C6: variants seen among roughly 807,000 people sequenced by gnomAD.
C6 encodes the protein complement component C6.
A neutral mutation model predicts 112.9 loss-of-function variants in C6; 101 were observed. The observed-to-expected ratio is 0.89, with a 90% confidence interval of 0.76 to 1.06. C6 has a LOEUF of 1.06. Ranked by LOEUF, C6 falls within the 50% of genes least tolerant of loss-of-function variation. C6 has a pLI of 0.00. For missense variants in C6, 1,202 were observed against 1,104.6 expected (o/e 1.09, Z -1.25); for synonymous variants, 431 against 384.1 (o/e 1.12, Z -1.43).
At chr5:41,144,997 T>C (rs969823863) in intron 17 of C6, among the ~76,000 whole-genome samples, 3 of 152,236 alleles carry the variant, frequency 2.0e-5, no homozygotes, top group African/African-American at 7.2e-5. Context: ...GATGGGTATT[T>C]AGGTTGAGTC....
intron 1 of C6, among the ~76,000 whole-genome samples, chr5:41,244,851 A>G (rs1317957282): frequency 6.6e-6 from 1 of 152,192 alleles, no homozygotes; most frequent in Non-Finnish European, 1.5e-5. Context: ...TAAATCATGA[A>G]TGAGTTATGA....
rs545449815 is a variant in C6, at chr5:41,257,122, T to C, written c.-21+4072A>G. Among the ~76,000 whole-genome samples the C allele has an allele frequency of 3.4e-3, 513 of 152,242 alleles. 2 individuals carry two copies. The highest frequency in any genetic ancestry group is 0.012 in the African/African-American group (503 of 41,536). On this transcript the variant is annotated intron_variant, in intron 1 of 17. Transcript: ENST00000263413. Reference sequence around the variant, plus strand: ...ACGGGGGTTCGGTGTACAGATGATTTTGTCACCCAGGTAGTAAGCATAGGT... The same window carrying C: ...ACGGGGGTTCGGTGTACAGATGATTCTGTCACCCAGGTAGTAAGCATAGGT...
In C6 at chr5:41,182,942, T is replaced by G. The variant is rs146249565; in HGVS notation, c.727-1383A>C. On this transcript the variant is annotated intron_variant, in intron 6 of 17. Coordinates refer to ENST00000337836, the MANE Select transcript of C6 (RefSeq NM_000065.5). ...ATGAGTTTAATCTGCTGTAAAAGAA[T>G]TTTCAGGCTGTATTTCCTCATGTAA... Among the ~76,000 whole-genome samples, 6 of 152,334 alleles carry G rather than the reference T, an allele frequency of 3.9e-5. No individual in the cohort carries two copies. In the East Asian group the frequency reaches 1.2e-3, roughly 29 times the overall value.
chr5:41,164,893 C>A (rs191049903), intron 9 of C6, among the ~76,000 whole-genome samples: 312 of 152,138 alleles, frequency 2.1e-3, no homozygotes, highest in Non-Finnish European at 3.5e-3. Context: ...GCATACAGCT[C>A]AATTAATTTG....
intron 9 of C6, among the ~76,000 whole-genome samples, chr5:41,170,709 A>G (rs73753109): frequency 0.022 from 3,300 of 152,146 alleles, 124 homozygotes; most frequent in African/African-American, 0.075. Context: ...GTTTATTATT[A>G]TAGTAAATAT....
chr5:41,238,961 C>G (rs1360645618), intron 1 of C6, among the ~76,000 whole-genome samples: 2 of 151,984 alleles, frequency 1.3e-5, no homozygotes, highest in African/African-American at 4.8e-5. Flanking sequence ...TAAAAGTCAA[C>G]TTCTTTGAAT....
chr5:41,160,551 G>A (rs1183082941), intron 10 of C6, among the ~76,000 whole-genome samples, 184 bp from the exon 11 acceptor site: 1 of 152,176 alleles, frequency 6.6e-6, no homozygotes, highest in Non-Finnish European at 1.5e-5. Context: ...GTGGACAGGT[G>A]TGATGTATAT....
Position 41,149,930 on chromosome 5 carries a change from C to T in C6, c.2381+5G>A. 1.3e-6 allele frequency: 2 copies of T among 1,588,790 alleles called. No individual in the cohort carries two copies. The highest frequency in any genetic ancestry group is 1.7e-6 in the Non-Finnish European group (2 of 1,157,120). ...TCCAGACACAGTCTGTAGGGTATCTCTTACCTACAGTCTTCTTCTGGAGAC... is the reference window on the plus strand; with the variant it reads ...TCCAGACACAGTCTGTAGGGTATCTTTTACCTACAGTCTTCTTCTGGAGAC... On this transcript the variant is annotated splice_donor_5th_base_variant and intron_variant, in intron 16 of 17. Coordinates refer to ENST00000337836, the MANE Select transcript of C6 (RefSeq NM_000065.5).
Position 41,197,941 on chromosome 5 carries a change from C to T in C6, c.445+1827G>A, listed in dbSNP as rs914428763. Among the ~76,000 whole-genome samples, 5 of 152,134 alleles carry T rather than the reference C, an allele frequency of 3.3e-5. No homozygotes were observed. The South Asian group carries it at 1.0e-3, about 31-fold the overall frequency. On this transcript the variant is annotated intron_variant, in intron 4 of 17. Transcript: ENST00000337836. ...GCCAGCACATGCATGTATACATTTA[C>T]ACTTGGAACCATGCAATCATTTAGA...
chr5:41,233,734 T>C (rs1364278243), intron 1 of C6, among the ~76,000 whole-genome samples: 3 of 152,008 alleles, frequency 2.0e-5, no homozygotes, highest in Non-Finnish European at 4.4e-5. Context: ...ACCTATCTAA[T>C]CTTAGAAGAT....
At chr5:41,232,129 T>C (rs578137861) in intron 1 of C6, among the ~76,000 whole-genome samples, 2 of 152,250 alleles carry the variant, frequency 1.3e-5, no homozygotes, top group South Asian at 4.1e-4. Flanking sequence ...CTTCTTAGCT[T>C]TGTTATATAT....
rs1746148845 is a variant in C6, at chr5:41,149,315, G to A, written c.2549C>T (p.Thr850Ile). Residue 850 changes from threonine to isoleucine, a missense_variant, in exon 17 of 18, where the codon ACA becomes ATA. Thr to Ile is a moderately conservative substitution (Grantham distance 89). Coordinates refer to ENST00000337836, the MANE Select transcript of C6 (RefSeq NM_000065.5). ...CTTTGTGCTGTTGGATGAAAGTCTT[G>A]TCCTTTCAAGACCCCATTCTAACTG... ...GRQLEWGLER[T>I]RLSSNSTKKE... The A allele has an allele frequency of 1.2e-6, 2 of 1,613,864 alleles. No homozygotes were observed. The highest frequency in any genetic ancestry group is 1.7e-6 in the Non-Finnish European group (2 of 1,179,936).
chr5:41,223,192 C>G (rs562398374), intron 1 of C6, among the ~76,000 whole-genome samples: 11 of 152,168 alleles, frequency 7.2e-5, no homozygotes, highest in African/African-American at 2.6e-4. Flanking sequence ...GGTATTGTTA[C>G]CACACTGGGC....
At chr5:41,147,812 T>A (rs1184714076) in intron 17 of C6, among the ~76,000 whole-genome samples, 2 of 152,186 alleles carry the variant, frequency 1.3e-5, no homozygotes, top group Non-Finnish European at 2.9e-5. Context: ...AACTTCATCT[T>A]GGAGCAAATG....
intron 13 of C6, 113 bp downstream of exon 13, chr5:41,158,561 A>T: frequency 1.4e-6 from 1 of 716,424 alleles, no homozygotes; most frequent in Non-Finnish European, 2.6e-6. Flanking sequence ...TTGTACTTTT[A>T]AAGTCAATAG....
intron 3 of C6, among the ~76,000 whole-genome samples, 153 bp downstream of exon 3, chr5:41,201,405 A>G (rs759416422): frequency 6.6e-6 from 1 of 152,144 alleles, no homozygotes; most frequent in African/African-American, 2.4e-5. Context: ...TCCCCCCACA[A>G]AAGTGCTAAA....
chr5:41,142,955 C>T lies in C6; in HGVS notation c.2675G>A (p.Gly892Glu). 1.2e-6 allele frequency: 2 copies of T among 1,613,620 alleles called. No homozygotes were observed. The highest frequency in any genetic ancestry group is 1.1e-5 in the South Asian group (1 of 91,076). Residue 892 changes from glycine (G) to glutamate (E), a missense_variant, in exon 18 of 18, where the codon GGA becomes GAA. Transcript: ENST00000337836. ...CLLPPQCFKG[G>E]NQLYCVKMGS... Reference sequence around the variant, plus strand: ...CATTTTGACACAGTAGAGTTGGTTTCCACCCTTGAAGCACTGTGGGGGCAA... The same window carrying T: ...CATTTTGACACAGTAGAGTTGGTTTTCACCCTTGAAGCACTGTGGGGGCAA...
At position 41,199,892 on chromosome 5, in the gene C6, C is replaced by T. The variant is rs139715236; in HGVS notation, c.321G>A (p.Leu107=). The stretch of plus-strand genomic sequence containing the variant: ...GCTGTCCCCCAAACTGACTGGGACG[C>T]AAGACAGATCTAACTTTAGACTGAA... ...IEKQSKVRSV[L]RPSQFGGQPC... The change falls in exon 4 of 18, where the codon TTG becomes TTA. Residue 107 remains leucine, a synonymous_variant. Coordinates refer to ENST00000337836, the MANE Select transcript of C6 (RefSeq NM_000065.5). The T allele has an allele frequency of 1.2e-6, 2 of 1,613,444 alleles. No individual in the cohort carries two copies. Among genetic ancestry groups the T allele is most frequent in the Non-Finnish European group, 1.7e-6 (2 of 1,179,706 alleles).
intron 1 of C6, among the ~76,000 whole-genome samples, chr5:41,208,218 G>A (rs1751595323): frequency 6.6e-6 from 1 of 152,158 alleles, no homozygotes; most frequent in East Asian, 1.9e-4. Flanking sequence ...CACATTTAAA[G>A]CAGTGTGTAG....
Sources: allele counts gnomAD v4.1 joint callset (sites outside exome capture counted in the v4.1 genomes callset), GRCh38; gene constraint gnomAD v4.1.1; transcripts MANE v1.5; gene names NCBI Gene and HGNC (gene_info 2026-07-23, HGNC 2026-07-21).